The following OMA1 variants were observed in gnomAD, a reference collection of about 807,000 sequenced individuals.
The protein encoded by OMA1 is metalloendopeptidase OMA1, mitochondrial.
OMA1 carries 38 observed loss-of-function variants against 30.9 expected under a neutral mutation model. The ratio of observed to expected loss-of-function variants is 1.23; its 90% CI spans 0.95 to 1.61. OMA1 has a LOEUF of 1.61. Ranked by LOEUF, OMA1 falls within the 40% of genes most tolerant of loss-of-function variation. OMA1 has a pLI of 0.00. For synonymous variants in OMA1, 173 were observed against 121.9 expected (o/e 1.42, Z -2.76); for missense variants, 461 against 349.2 (o/e 1.32, Z -2.55).
chr1:58,509,334 A>G (rs1251157443), intron 7 of OMA1, among the ~76,000 whole-genome samples: 2 of 152,128 alleles, frequency 1.3e-5, no homozygotes, highest in Admixed American at 1.3e-4. Flanking sequence ...AAAGACACAG[A>G]AAATGTAAAA....
rs954860881 is a variant in OMA1 at position 58,498,605 on chromosome 1, T to C, written c.1365+7455A>G. Among the ~76,000 whole-genome samples, 8 of 152,226 alleles carry C rather than the reference T, an allele frequency of 5.3e-5. 1 individual carries two copies. In the East Asian group the frequency reaches 1.6e-3, roughly 30 times the overall value. ...CAAGGATAATGCCTATATGGCTACT[T>C]ATTAACAGAACAAAAACTCTATAAA... On this transcript the variant is annotated intron_variant, in intron 8 of 8. Transcript: ENST00000371226.
intron 7 of OMA1, among the ~76,000 whole-genome samples, chr1:58,523,823 T>G (rs1386985878): frequency 6.6e-6 from 1 of 151,922 alleles, no homozygotes; most frequent in African/African-American, 2.4e-5. Flanking sequence ...GGTGTGAAGC[T>G]GGGAGGCAGA....
intron 8 of OMA1, among the ~76,000 whole-genome samples, chr1:58,491,061 C>T (rs138854957): frequency 0.011 from 1,690 of 152,054 alleles, 28 homozygotes; most frequent in African/African-American, 0.038. Context: ...CCCACCACAG[C>T]CTCCCAAAGT....
chr1:58,526,291 G>A (rs562661423), intron 7 of OMA1, among the ~76,000 whole-genome samples: 6 of 152,050 alleles, frequency 3.9e-5, no homozygotes, highest in Non-Finnish European at 7.4e-5. Context: ...TTGCTTTTGT[G>A]AAGGAGTAAT....
chr1:58,544,862 G>A (rs542500929), intron 1 of OMA1, among the ~76,000 whole-genome samples: 1 of 152,228 alleles, frequency 6.6e-6, no homozygotes, highest in Non-Finnish European at 1.5e-5. Flanking sequence ...CCAAAGTGTT[G>A]GGATTATAGG....
intron 8 of OMA1, among the ~76,000 whole-genome samples, chr1:58,489,829 C>G (rs1319609941): frequency 6.6e-6 from 1 of 152,200 alleles, no homozygotes; most frequent in East Asian, 1.9e-4. Flanking sequence ...TCCAGGCAAA[C>G]AGGGTCTGGA....
chr1:58,496,298 T>C (rs139349784), intron 8 of OMA1, among the ~76,000 whole-genome samples: 2 of 152,278 alleles, frequency 1.3e-5, no homozygotes, highest in African/African-American at 4.8e-5. Flanking sequence ...TTACAGCTTC[T>C]CTGTTGAATT....
At chr1:58,507,991 C>T (rs561942366) in intron 7 of OMA1, among the ~76,000 whole-genome samples, 48 of 152,238 alleles carry the variant, frequency 3.2e-4, no homozygotes, top group African/African-American at 1.1e-3. Flanking sequence ...AAACCAAAGG[C>T]ATACTTATCT....
chr1:58,528,971 A>G (rs1440868103), intron 6 of OMA1, among the ~76,000 whole-genome samples: 1 of 152,236 alleles, frequency 6.6e-6, no homozygotes, highest in Admixed American at 6.5e-5. Flanking sequence ...TATCTTTCTT[A>G]TGACCAACTG....
chr1:58,507,269 T>C (rs1437830260), intron 7 of OMA1, among the ~76,000 whole-genome samples: 4 of 151,780 alleles, frequency 2.6e-5, no homozygotes, highest in African/African-American at 9.7e-5. Context: ...TATTTTTGAT[T>C]AAAACTAAGA....
At position 58,490,482 on chromosome 1, in the gene OMA1, T is replaced by C. The variant is rs542781813; in HGVS notation, c.1366-9308A>G. Reference sequence around the variant, plus strand: ...TACATCTGATTGGTGTACCTGAAAGTGACAGGGAGAATGGAACCAAGTTGG... The same window carrying C: ...TACATCTGATTGGTGTACCTGAAAGCGACAGGGAGAATGGAACCAAGTTGG... On this transcript the variant is annotated intron_variant, in intron 8 of 8. Coordinates refer to ENST00000371226, the MANE Select transcript of OMA1 (RefSeq NM_145243.5). Among the ~76,000 whole-genome samples, 4 of 152,296 alleles carry C rather than the reference T, an allele frequency of 2.6e-5. No individual in the cohort carries two copies. The South Asian group carries it at 8.3e-4, about 32-fold the overall frequency.
intron 7 of OMA1, among the ~76,000 whole-genome samples, chr1:58,517,771 A>C (rs1215108059): frequency 6.6e-6 from 1 of 152,176 alleles, no homozygotes; most frequent in East Asian, 1.9e-4. Context: ...CTGTAAGATC[A>C]AACTGTCTTC....
chr1:58,507,674 T>C (rs1347893877), intron 7 of OMA1, among the ~76,000 whole-genome samples: 3 of 152,050 alleles, frequency 2.0e-5, no homozygotes, highest in Non-Finnish European at 4.4e-5. Flanking sequence ...TACATATCTA[T>C]ATATGCAAGA....
At chr1:58,516,685 G>A (rs547705319) in intron 7 of OMA1, among the ~76,000 whole-genome samples, 2 of 152,124 alleles carry the variant, frequency 1.3e-5, no homozygotes, top group East Asian at 1.9e-4. Flanking sequence ...GAGTAACATC[G>A]TTTTTGTGAA....
At chr1:58,544,468 G>A (rs10789064) in intron 1 of OMA1, among the ~76,000 whole-genome samples, 98,858 of 152,160 alleles carry the variant, frequency 0.65, 34,211 homozygotes, top group East Asian at 0.94. Flanking sequence ...TGAATGGCAG[G>A]ATGGTGGTTA....
At chr1:58,491,656 A>G (rs940287460) in intron 8 of OMA1, among the ~76,000 whole-genome samples, 1 of 152,180 alleles carries the variant, frequency 6.6e-6, no homozygotes, top group Admixed American at 6.5e-5. Context: ...CAAAGATCAA[A>G]AGAGACAAAG....
chr1:58,541,305 A>C, intron 1 of OMA1, among the ~76,000 whole-genome samples: 1 of 77,808 alleles, frequency 1.3e-5, no homozygotes, highest in African/African-American at 5.7e-5. Flanking sequence ...AAAAAAAAAA[A>C]AAAAAAAAAA....
At chr1:58,535,735 G>A (rs890546235) in intron 3 of OMA1, among the ~76,000 whole-genome samples, 1 of 152,016 alleles carries the variant, frequency 6.6e-6, no homozygotes, top group Admixed American at 6.6e-5. Context: ...AATGACCTCT[G>A]TCCCTAAGAA....
At chr1:58,537,358 C>G (rs1646533984) in intron 2 of OMA1, among the ~76,000 whole-genome samples, 1 of 152,120 alleles carries the variant, frequency 6.6e-6, no homozygotes, top group South Asian at 2.1e-4. Flanking sequence ...AGTGATTCCA[C>G]AAGGTACAAG....
Sources: gnomAD v4.1 joint callset for allele counts (sites outside exome capture counted in the v4.1 genomes callset) on GRCh38, gnomAD v4.1.1 for gene constraint, MANE v1.5 for transcripts, NCBI Gene and HGNC (gene_info 2026-07-23, HGNC 2026-07-21) for gene names.